Variants in PCNX2 observed in about 807,000 individuals in gnomAD.
The protein encoded by PCNX2 is pecanex-like protein 2.
Under a neutral mutation model 223.8 loss-of-function variants are expected in PCNX2, and 168 were observed. The observed-to-expected ratio is 0.75, with a 90% CI of 0.66 to 0.85. The LOEUF is 0.85. Ranked by LOEUF, PCNX2 falls within the 40% of genes least tolerant of loss-of-function variation. The probability of loss-of-function intolerance (pLI) is 0.00; values close to 1 mark genes in which losing one functional copy is unlikely to be tolerated. For missense variants in PCNX2, 2,507 were observed against 2,675.5 expected, an observed-to-expected ratio of 0.94 and a Z score of 1.39; for synonymous variants, 1,006 against 1,052.6, an observed-to-expected ratio of 0.96 and a Z score of 0.86.
At chr1:233,178,902 G>A (rs1679637836) in intron 16 of PCNX2, among the ~76,000 whole-genome samples, 164 bp downstream of exon 16, 1 of 152,226 alleles carries the variant, frequency 6.6e-6, no homozygotes, top group Non-Finnish European at 1.5e-5. Context: ...GGCTGGTCCT[G>A]TATTTCTCCT....
intron 25 of PCNX2, among the ~76,000 whole-genome samples, chr1:233,041,061 G>A (rs1026030916): frequency 2.6e-5 from 4 of 151,862 alleles, no homozygotes; most frequent in Non-Finnish European, 4.4e-5. Context: ...TACACTCCAT[G>A]GCCAAGTATT....
chr1:233,211,081 T>C (rs972514769), intron 12 of PCNX2, among the ~76,000 whole-genome samples: 3 of 152,290 alleles, frequency 2.0e-5, no homozygotes, highest in Admixed American at 2.0e-4. Flanking sequence ...CTGCTTCGAA[T>C]GTTCTGTTGT....
At chr1:233,295,735 T>C (rs2103034963), upstream of PCNX2, 1 of 364,000 alleles carries the variant, frequency 2.7e-6, no homozygotes. This position sits in a 1 kb window ranked among gnomAD's most constrained non-coding sequence, Gnocchi z 4.1. Context: ...GGAAGGATTT[T>C]CCCATCGTGC....
chr1:233,204,413 G>A (rs1681322304), intron 13 of PCNX2, among the ~76,000 whole-genome samples: 1 of 152,212 alleles, frequency 6.6e-6, no homozygotes, highest in South Asian at 2.1e-4. Context: ...GCTCTAGGAA[G>A]TATTACGCTT....
At chr1:233,194,925 G>A (rs1375669301) in intron 15 of PCNX2, among the ~76,000 whole-genome samples, 2 of 151,272 alleles carry the variant, frequency 1.3e-5, no homozygotes, top group Non-Finnish European at 2.9e-5. Context: ...GCTGAGGCAG[G>A]AGAATGGCGT....
At chr1:233,283,769 A>C (rs1661307926) in intron 1 of PCNX2, among the ~76,000 whole-genome samples, 1 of 152,228 alleles carries the variant, frequency 6.6e-6, no homozygotes, top group Non-Finnish European at 1.5e-5. Flanking sequence ...ACCATTTTGC[A>C]ACCACCATTG....
chr1:233,231,336 T>A (rs533343544), intron 9 of PCNX2, among the ~76,000 whole-genome samples: 2 of 151,886 alleles, frequency 1.3e-5, no homozygotes, highest in South Asian at 4.2e-4. Flanking sequence ...AACTAGATAA[T>A]GGAAACTGGC....
intron 21 of PCNX2, among the ~76,000 whole-genome samples, chr1:233,115,787 C>A (rs2102983879): frequency 6.6e-6 from 1 of 151,952 alleles, no homozygotes; most frequent in Non-Finnish European, 1.5e-5. Flanking sequence ...ACTATAACAA[C>A]AAAAAAGACA....
chr1:233,250,932 G>C, intron 7 of PCNX2, 100 bp from the exon 8 acceptor site: 1 of 1,305,532 alleles, frequency 7.7e-7, no homozygotes, highest in Non-Finnish European at 1.0e-6. Context: ...ACTTATTTTG[G>C]TCTGTTATAA....
At chr1:233,215,213 C>A (rs1315717079) in intron 12 of PCNX2, among the ~76,000 whole-genome samples, 1 of 152,196 alleles carries the variant, frequency 6.6e-6, no homozygotes, top group Admixed American at 6.5e-5. Context: ...ATAAATCTGT[C>A]TTCTAAATAC....
intron 32 of PCNX2, among the ~76,000 whole-genome samples, chr1:232,989,271 G>A (rs562991990): frequency 1.3e-5 from 2 of 152,260 alleles, no homozygotes; most frequent in Admixed American, 6.5e-5. Flanking sequence ...TGGCTAACAC[G>A]GTGAAACCCC....
intron 15 of PCNX2, among the ~76,000 whole-genome samples, chr1:233,198,689 C>T (rs899375504): frequency 1.3e-5 from 2 of 152,096 alleles, no homozygotes; most frequent in African/African-American, 2.4e-5. Flanking sequence ...TGTCACTAAC[C>T]GATCTTAGCA....
At chr1:233,043,377 T>C (rs1671710622) in intron 25 of PCNX2, among the ~76,000 whole-genome samples, 2 of 152,224 alleles carry the variant, frequency 1.3e-5, no homozygotes, top group Admixed American at 6.5e-5. Flanking sequence ...CCTTCTAACA[T>C]GCATTATCTA....
intron 25 of PCNX2, among the ~76,000 whole-genome samples, chr1:233,050,743 A>G (rs946983447): frequency 2.6e-5 from 4 of 152,166 alleles, no homozygotes; most frequent in African/African-American, 7.2e-5. Flanking sequence ...CCTAGAAAAC[A>G]TTATTCTGGA....
At chr1:233,113,642 T>C (rs962726792) in intron 21 of PCNX2, among the ~76,000 whole-genome samples, 5 of 152,244 alleles carry the variant, frequency 3.3e-5, no homozygotes, top group Admixed American at 1.3e-4. Flanking sequence ...CACTGAGGCA[T>C]TTCCGGTCTT....
chr1:233,179,629 T>C (rs1053881963), intron 15 of PCNX2, among the ~76,000 whole-genome samples: 2 of 152,210 alleles, frequency 1.3e-5, no homozygotes, highest in African/African-American at 2.4e-5. Flanking sequence ...TTGTAGAAAG[T>C]AGAAAAGTTC....
intron 1 of PCNX2, chr1:233,288,918 T>C (rs1175535476): frequency 4.7e-6 from 7 of 1,475,128 alleles, no homozygotes; most frequent in East Asian, 2.3e-5. Context: ...GAGCTTCTTA[T>C]AGACACCAGA....
At chr1:233,165,178 A>C (rs1055069408) in intron 17 of PCNX2, among the ~76,000 whole-genome samples, 2 of 152,234 alleles carry the variant, frequency 1.3e-5, no homozygotes, top group Non-Finnish European at 2.9e-5. Flanking sequence ...AATTAAAAAA[A>C]GAAACTGCCA....
At chr1:233,008,637 C>T (rs908585130) in intron 28 of PCNX2, among the ~76,000 whole-genome samples, 1 of 152,186 alleles carries the variant, frequency 6.6e-6, no homozygotes, top group African/African-American at 2.4e-5. Flanking sequence ...CAGTGTTCAC[C>T]TTGTCCTATG....
Sources: allele counts gnomAD v4.1 joint callset (sites outside exome capture counted in the v4.1 genomes callset), GRCh38; gene constraint gnomAD v4.1.1; non-coding constraint Gnocchi (gnomAD v3.1); transcripts MANE v1.5; gene names NCBI Gene and HGNC (gene_info 2026-07-23, HGNC 2026-07-21).